Variants in GATA2 observed in about 807,000 individuals in gnomAD.
GATA2 encodes the protein GATA binding protein 2.
Under a neutral mutation model 35.7 loss-of-function variants are expected in GATA2, and 6 were observed. That is an observed-to-expected ratio of 0.17 (90% CI 0.09 to 0.33). The LOEUF is 0.33. GATA2 is among the 10% of genes least tolerant of loss of function. The pLI is 1.00. For missense variants in GATA2, 541 were observed against 656.6 expected, an observed-to-expected ratio of 0.82 and a Z score of 1.92; for synonymous variants, 313 against 274.9, an observed-to-expected ratio of 1.14 and a Z score of -1.37.
At position 128,488,072 on chromosome 3, in the gene GATA2, T is replaced by G. The variant is rs1309437800; in HGVS notation, c.-45-996A>C. On this transcript the variant is annotated intron_variant, in intron 1 of 5. Coordinates refer to ENST00000341105, the MANE Select transcript of GATA2 (RefSeq NM_032638.5). This position sits in a 1 kb window ranked among gnomAD's most constrained non-coding sequence, Gnocchi z 5.8. The stretch of plus-strand genomic sequence containing the variant: ...GGACTGACCCGCGGGCCGGCCCCCC[T>G]CAGCCGGCGGGCCCCCTCCCTGCGC... 6.6e-6 allele frequency among the ~76,000 whole-genome samples: 1 copy of G among 151,658 alleles called. No individual in the cohort carries two copies. Among genetic ancestry groups the G allele is most frequent in the East Asian group, 2.0e-4 (1 of 5,110 alleles).
chr3:128,486,162 C>T lies in GATA2; in HGVS notation c.436G>A (p.Gly146Ser), dbSNP rs778721889. ...CTCCCGCTGCCTCCCCCGCTCCCAC[C>T]CCCAGCCCCTGGGTACACAGAGAGT... Reference protein sequence around the residue: ...GPLSVYPGAGGGSGGGSGSSV... With the variant: ...GPLSVYPGAGSGSGGGSGSSV... The change falls in exon 3 of 6, where the codon GGT (glycine) becomes AGT (serine). Residue 146 changes from glycine (G) to serine (S), a missense_variant. This residue lies in a region of GATA2 where 389 missense variants were observed against 396.9 expected (regional missense o/e 0.98). Coordinates refer to ENST00000341105, the MANE Select transcript of GATA2 (RefSeq NM_032638.5). 7 of 1,572,840 alleles carry T rather than the reference C, an allele frequency of 4.5e-6. No individual in the cohort carries two copies. Among genetic ancestry groups the T allele is most frequent in the Non-Finnish European group, 6.0e-6 (7 of 1,159,586 alleles).
intron 4 of GATA2, among the ~76,000 whole-genome samples, chr3:128,482,686 C>T (rs1276930761): frequency 2.0e-5 from 3 of 152,256 alleles, no homozygotes; most frequent in African/African-American, 7.2e-5. Context: ...CTTTAACCAC[C>T]CCGCAGCCCC....
rs753914237 is a variant in GATA2 at position 128,481,873 on chromosome 3, G to C, written c.1089C>G (p.Asn363Lys). Residue 363 changes from asparagine (N) to lysine (K), a missense_variant, in exon 5 of 6, where the codon AAC becomes AAG. By Grantham distance (94) the Asn-to-Lys change is moderately conservative. Around this residue, in one of 5 missense-constraint regions of GATA2, gnomAD observed 23 missense variants for 67.2 expected, o/e 0.34. Coordinates refer to ENST00000341105, the MANE Select transcript of GATA2 (RefSeq NM_032638.5). ...QTTTTTLWRR[N>K]ANGDPVCNAC... ...CGTTGCAGACAGGGTCCCCGTTGGC[G>C]TTTCGGCGCCATAAGGTGGTGGTTG... is the stretch of plus-strand genomic sequence containing the variant. 1 of 1,613,974 alleles carries C rather than the reference G, an allele frequency of 6.2e-7. No homozygotes were observed.
intron 2 of GATA2, 110 bp downstream of exon 2, chr3:128,486,693 G>T: frequency 1.7e-6 from 2 of 1,154,734 alleles, no homozygotes; most frequent in Non-Finnish European, 2.5e-6. Context: ...TTTTTCAGCA[G>T]CTCGATTCCT....
At position 128,486,355 on chromosome 3, in the gene GATA2, T is replaced by C; in HGVS notation, c.243A>G (p.Gly81=). 1 of 1,601,702 alleles carries C rather than the reference T, an allele frequency of 6.2e-7. No individual in the cohort carries two copies. Among genetic ancestry groups the C allele is most frequent in the Non-Finnish European group, 8.5e-7 (1 of 1,177,954 alleles). ...SYSPAHARLT[G]GQMCRPHLLH... ...ACAAGTGTGGGCGGCACATCTGGCC[T>C]CCGGTCAGGCGGGCTGCGGGCAAAG... The change falls in exon 3 of 6, where the codon GGA becomes GGG. Residue 81 remains glycine, a synonymous_variant. Coordinates refer to ENST00000341105, the MANE Select transcript of GATA2 (RefSeq NM_032638.5).
intron 3 of GATA2, among the ~76,000 whole-genome samples, chr3:128,484,604 T>C (rs1319392638): frequency 2.0e-5 from 3 of 152,184 alleles, no homozygotes; most frequent in African/African-American, 7.2e-5. Flanking sequence ...AAATAAATAA[T>C]AAGCTCTTTC....
intron 1 of GATA2, chr3:128,489,875 C>G (rs1268014516): frequency 6.6e-6 from 1 of 152,266 alleles, no homozygotes; most frequent in Non-Finnish European, 1.5e-5. Context: ...AAAGACACCG[C>G]GTCCCCAGGG....
intron 5 of GATA2, 144 bp from the exon 6 acceptor site, chr3:128,481,462 C>T: frequency 1.1e-6 from 1 of 931,714 alleles, no homozygotes; most frequent in East Asian, 2.5e-5. Flanking sequence ...AGTCCCATCA[C>T]CAGATGGCTA....
At chr3:128,491,889 G>A (rs915720680) in intron 1 of GATA2, 1 of 152,250 alleles carries the variant, frequency 6.6e-6, no homozygotes, top group South Asian at 2.1e-4. Context: ...TGGAGCGGCC[G>A]GGGCCGGCGG....
chr3:128,486,046 G>T lies in GATA2; in HGVS notation c.552C>A (p.Asp184Glu). Residue 184 changes from aspartate (D) to glutamate (E), a missense_variant, in exon 3 of 6, where the codon GAC (aspartate) becomes GAA (glutamate). Physicochemically the swap from Asp to Glu is conservative, Grantham distance 45. Transcript: ENST00000341105. Reference sequence around the variant, plus strand: ...GAGACGCAGCCCCCGTGGTGCTAGGGTCAGGAGACACTTCTTTGGGTGGCG... The same window carrying T: ...GAGACGCAGCCCCCGTGGTGCTAGGTTCAGGAGACACTTCTTTGGGTGGCG... ...PPTPPKEVSP[D>E]PSTTGAASPA... 6.2e-7 allele frequency: 1 copy of T among 1,613,954 alleles called. No homozygotes were observed. Among genetic ancestry groups the T allele is most frequent in the Non-Finnish European group, 8.5e-7 (1 of 1,179,868 alleles).
intron 1 of GATA2, chr3:128,490,588 G>A (rs1172838599): frequency 6.6e-6 from 1 of 152,252 alleles, no homozygotes; most frequent in African/African-American, 2.4e-5. Context: ...CTGGGAGAGA[G>A]AAATGCGACG....
intron 3 of GATA2, 89 bp from the exon 4 acceptor site, chr3:128,484,094 A>C (rs955332410): frequency 6.5e-7 from 1 of 1,527,032 alleles, no homozygotes; most frequent in African/African-American, 1.4e-5. Flanking sequence ...CCAGCCGAGC[A>C]GTGCCGGTGC....
At chr3:128,486,710 C>G in intron 2 of GATA2, 93 bp downstream of exon 2, 3 of 1,246,720 alleles carry the variant, frequency 2.4e-6, no homozygotes, top group Non-Finnish European at 3.4e-6. Context: ...TCCTGCGGAT[C>G]CTACATCCGG....
intron 1 of GATA2, among the ~76,000 whole-genome samples, chr3:128,492,490 G>T (rs1054618278): frequency 2.0e-5 from 3 of 152,210 alleles, no homozygotes; most frequent in African/African-American, 7.2e-5. Flanking sequence ...GCCGCGAAAA[G>T]CCGGCGCACG....
At chr3:128,481,459 T>A in intron 5 of GATA2, 141 bp from the exon 6 acceptor site, 1 of 947,266 alleles carries the variant, frequency 1.1e-6, no homozygotes. Flanking sequence ...CATAGTCCCA[T>A]CACCAGATGG....
chr3:128,491,826 C>T (rs2068771863), intron 1 of GATA2, among the ~76,000 whole-genome samples: 1 of 152,190 alleles, frequency 6.6e-6, no homozygotes, highest in South Asian at 2.1e-4. Flanking sequence ...TGCTGAGACC[C>T]GGAGACAATC....
intron 1 of GATA2, chr3:128,490,016 G>C (rs1262585061): frequency 1.3e-5 from 2 of 152,248 alleles, no homozygotes; most frequent in East Asian, 3.9e-4. Context: ...GCCCGGCCGC[G>C]ATCGGTGCCG....
chr3:128,480,524 G>A lies in GATA2; in HGVS notation c.*495C>T, dbSNP rs1349954809. ...CAGCCTGGAGTTCGGCTATTTCAGA[G>A]AGGGAAGCCAGAGGAGAAGAGGGTG... On this transcript the variant is annotated 3_prime_UTR_variant, in exon 6 of 6. Coordinates refer to ENST00000341105, the MANE Select transcript of GATA2 (RefSeq NM_032638.5). 3 of 247,434 alleles carry A rather than the reference G, an allele frequency of 1.2e-5. No individual in the cohort carries two copies. Among genetic ancestry groups the A allele is most frequent in the African/African-American group, 6.6e-5 (3 of 45,696 alleles). 15.3% of individuals were successfully genotyped at this position (247,434 alleles called of 1,614,324 possible). A position where few individuals can be genotyped will look rare whatever the true frequency, so the allele number is the denominator to read the frequency against.
Position 128,479,743 on chromosome 3 carries a change from AC to A in GATA2, c.*1275del, listed in dbSNP as rs1416752088. ...CCAGGGGCCCCTCACAGGCCACCACACCCCGCCGTCACCGCATACAGAATCT... is the reference window on the plus strand; with the variant it reads ...CCAGGGGCCCCTCACAGGCCACCACACCCGCCGTCACCGCATACAGAATCT... On this transcript the variant is annotated 3_prime_UTR_variant, in exon 6 of 6. Transcript: ENST00000341105. The A allele has an allele frequency of 1.3e-5, 3 of 233,424 alleles. No individual in the cohort carries two copies. Among genetic ancestry groups the A allele is most frequent in the Non-Finnish European group, 2.5e-5 (3 of 118,022 alleles). 14.5% of individuals were successfully genotyped at this position (233,424 alleles called of 1,614,324 possible).
Sources: gnomAD v4.1 joint callset for allele counts (sites outside exome capture counted in the v4.1 genomes callset) on GRCh38, gnomAD v4.1.1 for gene constraint, gnomAD v4.1.1 regional missense constraint, Gnocchi (gnomAD v3.1) non-coding constraint, MANE v1.5 for transcripts, NCBI Gene and HGNC (gene_info 2026-07-23, HGNC 2026-07-21) for gene names.